Variants in DENND4A observed in about 807,000 individuals in gnomAD.
DENND4A encodes the protein DENN domain containing 4A.
DENND4A carries 70 observed loss-of-function variants against 199.3 expected under a neutral mutation model. The observed-to-expected ratio is 0.35, with a 90% CI of 0.29 to 0.43. The LOEUF (loss-of-function observed/expected upper bound fraction) is 0.43. Ranked by LOEUF, DENND4A falls within the 20% of genes least tolerant of loss-of-function variation. The pLI, the probability that DENND4A is intolerant of heterozygous loss-of-function variation, is 1.00. For missense variants in DENND4A, 1,723 were observed against 2,255.8 expected (o/e 0.76, Z 4.78); for synonymous variants, 686 against 766.9 (o/e 0.89, Z 1.74).
chr15:65,673,854 G>A (rs1444449396), intron 24 of DENND4A, among the ~76,000 whole-genome samples: 1 of 152,136 alleles, frequency 6.6e-6, no homozygotes, highest in East Asian at 1.9e-4. Context: ...TATTAGCCTT[G>A]AGTATCATTT....
intron 1 of DENND4A, among the ~76,000 whole-genome samples, chr15:65,762,317 T>A (rs2076872036): frequency 6.6e-6 from 1 of 151,800 alleles, no homozygotes; most frequent in Non-Finnish European, 1.5e-5. Flanking sequence ...TGAAAAGATG[T>A]TTTTCAAAAA....
rs1016015932 is a variant in DENND4A at position 65,729,389 on chromosome 15, T to C, written c.1312-142A>G. On this transcript the variant is annotated intron_variant, in intron 10 of 32. Coordinates refer to ENST00000443035, the MANE Select transcript of DENND4A (RefSeq NM_001320835.1). ...ATGAAATAATTATAACTAGAGTTAA[T>C]GGTCAGGAAATCAAAACTGCTTTCA... 4.4e-6 allele frequency: 6 copies of C among 1,370,682 alleles called. No individual in the cohort carries two copies. In the Admixed American group the frequency reaches 1.0e-4, roughly 24 times the overall value. The allele number at this position is 1,370,682 out of a possible 1,614,324, so 84.9% of individuals were successfully genotyped here. A position where few individuals can be genotyped will look rare whatever the true frequency, so the allele number is the denominator to read the frequency against.
chr15:65,673,915 C>T (rs1225329231), intron 24 of DENND4A, among the ~76,000 whole-genome samples: 1 of 152,080 alleles, frequency 6.6e-6, no homozygotes, highest in Non-Finnish European at 1.5e-5. Flanking sequence ...ATAGAATATT[C>T]ATTTTAATAA....
intron 15 of DENND4A, 132 bp from the exon 16 acceptor site, chr15:65,703,140 G>T: frequency 2.5e-6 from 2 of 795,358 alleles, no homozygotes; most frequent in Non-Finnish European, 3.8e-6. Context: ...TCTTTGTCAG[G>T]CTGTGATATA....
At chr15:65,783,762 C>A (rs1181553961) in intron 1 of DENND4A, among the ~76,000 whole-genome samples, 2 of 151,698 alleles carry the variant, frequency 1.3e-5, no homozygotes, top group African/African-American at 4.8e-5. Context: ...GGATTATGAC[C>A]CCAAGTATAA....
At chr15:65,791,080 A>G (rs2077705570) in intron 1 of DENND4A, among the ~76,000 whole-genome samples, 2 of 152,350 alleles carry the variant, frequency 1.3e-5, no homozygotes, top group African/African-American at 4.8e-5. Context: ...ATTTTAAAGA[A>G]TAACATATTC....
intron 1 of DENND4A, among the ~76,000 whole-genome samples, chr15:65,769,572 TA>T (rs1443087688): frequency 6.6e-6 from 1 of 152,208 alleles, no homozygotes; most frequent in Non-Finnish European, 1.5e-5. Flanking sequence ...AAAAAAAGTA[TA>T]AATTCAATTC....
chr15:65,697,386 G>A lies in DENND4A; in HGVS notation c.2834-3C>T. 6.4e-7 allele frequency: 1 copy of A among 1,562,906 alleles called. No homozygotes were observed. Among genetic ancestry groups the A allele is most frequent in the East Asian group, 2.3e-5 (1 of 44,050 alleles). ...ATATCCAAGATCAGACTGGCCACCT[G>A]GTAAAAACAAAAATAAACAAAACTC... On this transcript the variant is annotated splice_region_variant and splice_polypyrimidine_tract_variant and intron_variant, in intron 20 of 32. Coordinates refer to ENST00000443035, the MANE Select transcript of DENND4A (RefSeq NM_001320835.1).
intron 23 of DENND4A, among the ~76,000 whole-genome samples, chr15:65,687,116 C>T (rs1333007530): frequency 6.6e-6 from 1 of 152,102 alleles, no homozygotes; most frequent in Admixed American, 6.6e-5. Flanking sequence ...ATTTCCTGTT[C>T]TCTGTAAGAC....
At chr15:65,736,298 G>A (rs915955936) in intron 7 of DENND4A, among the ~76,000 whole-genome samples, 7 of 151,772 alleles carry the variant, frequency 4.6e-5, no homozygotes, top group African/African-American at 1.2e-4. Context: ...TCGCTCTGTC[G>A]CCCATACTGG....
chr15:65,664,528 GAAC>G, intron 31 of DENND4A, 29 bp downstream of exon 31: 1 of 1,594,694 alleles, frequency 6.3e-7, no homozygotes, highest in South Asian at 1.1e-5. Context: ...CTGCCTAGGA[GAAC>G]AATATATTCG....
chr15:65,782,196 C>T (rs953283460), intron 1 of DENND4A, among the ~76,000 whole-genome samples: 1 of 152,154 alleles, frequency 6.6e-6, no homozygotes, highest in Non-Finnish European at 1.5e-5. Flanking sequence ...ACTGTTTTCA[C>T]CCTTGTTCAC....
chr15:65,786,905 T>C (rs906047029), intron 1 of DENND4A, among the ~76,000 whole-genome samples: 5 of 152,072 alleles, frequency 3.3e-5, no homozygotes, highest in Non-Finnish European at 5.9e-5. Context: ...GGAGGGGAGA[T>C]GAAGGTGAGG....
At position 65,676,435 on chromosome 15, in the gene DENND4A, T is replaced by A; in HGVS notation, c.4369+10A>T. 1 of 1,588,476 alleles carries A rather than the reference T, an allele frequency of 6.3e-7. No homozygotes were observed. Among genetic ancestry groups the A allele is most frequent in the Non-Finnish European group, 8.6e-7 (1 of 1,165,938 alleles). On this transcript the variant is annotated intron_variant, in intron 24 of 32. Transcript: ENST00000443035. ...ATCAAATGCAGTATGACAGAACTGT[T>A]TGGACAAACCTTCCAAGGATGCAGA...
chr15:65,703,220 C>T (rs1596475444), intron 15 of DENND4A, among the ~76,000 whole-genome samples: 1 of 152,272 alleles, frequency 6.6e-6, no homozygotes, highest in South Asian at 2.1e-4. Context: ...CAAATTCAGA[C>T]TCAAGTTAGT....
intron 14 of DENND4A, among the ~76,000 whole-genome samples, chr15:65,714,305 C>T (rs948705661): frequency 2.0e-5 from 3 of 151,414 alleles, no homozygotes; most frequent in East Asian, 1.9e-4. Flanking sequence ...CCCAGCTACT[C>T]GGGAGGCTGA....
At position 65,790,912 on chromosome 15, in the gene DENND4A, G is replaced by A. The variant is rs528391628; in HGVS notation, c.-102+1098C>T. 2.6e-5 allele frequency among the ~76,000 whole-genome samples: 4 copies of A among 152,244 alleles called. No homozygotes were observed. In the East Asian group the frequency reaches 5.8e-4, roughly 22 times the overall value. ...AATAGATTAGCGTAACCGGGGCTAC[G>A]CTGTTTACAGGTGTCTCCACCTCCT... On this transcript the variant is annotated intron_variant, in intron 1 of 32. Transcript: ENST00000443035.
At chr15:65,677,592 A>C (rs551180978) in intron 23 of DENND4A, among the ~76,000 whole-genome samples, 2 of 152,082 alleles carry the variant, frequency 1.3e-5, no homozygotes, top group South Asian at 4.2e-4. Context: ...GTAATTCTCC[A>C]CTCCTAAATG....
intron 14 of DENND4A, among the ~76,000 whole-genome samples, chr15:65,712,237 G>T (rs1174690665): frequency 6.6e-6 from 1 of 152,126 alleles, no homozygotes; most frequent in East Asian, 1.9e-4. Flanking sequence ...GAAGGAAAAG[G>T]TAGATGTCTA....
Sources: allele counts gnomAD v4.1 joint callset (sites outside exome capture counted in the v4.1 genomes callset), GRCh38; gene constraint gnomAD v4.1.1; transcripts MANE v1.5; gene names NCBI Gene and HGNC (gene_info 2026-07-23, HGNC 2026-07-21).